DSCAM: variants seen among roughly 807,000 people sequenced by gnomAD.
DSCAM encodes DS cell adhesion molecule, also known as cell adhesion molecule DSCAM.
A neutral mutation model predicts 217.7 loss-of-function variants in DSCAM; 47 were observed. The ratio of observed to expected loss-of-function variants is 0.22; its 90% CI spans 0.17 to 0.28. The LOEUF is 0.28. Ranked by LOEUF, DSCAM falls within the 10% of genes least tolerant of loss-of-function variation. The pLI, the probability that DSCAM is intolerant of heterozygous loss-of-function variation, is 1.00. For synonymous variants in DSCAM, 1,056 were observed against 1,015.3 expected (o/e 1.04, Z -0.76); for missense variants, 2,080 against 2,618.3 (o/e 0.79, Z 4.49).
intron 1 of DSCAM, among the ~76,000 whole-genome samples, chr21:40,761,129 A>T (rs2091329808): frequency 6.6e-6 from 1 of 152,216 alleles, no homozygotes; most frequent in African/African-American, 2.4e-5. Flanking sequence ...AGTTAAACCC[A>T]AGGCTGCATC....
chr21:40,542,259 C>T (rs2146134641), intron 3 of DSCAM, among the ~76,000 whole-genome samples: 1 of 152,264 alleles, frequency 6.6e-6, no homozygotes, highest in East Asian at 1.9e-4. Context: ...ATGACCTATT[C>T]AACATGAATT....
At chr21:40,795,887 C>A (rs1269572332) in intron 1 of DSCAM, among the ~76,000 whole-genome samples, 1 of 152,070 alleles carries the variant, frequency 6.6e-6, no homozygotes, top group Non-Finnish European at 1.5e-5. Flanking sequence ...TCATGAAAGG[C>A]AGGGAGAGGG....
At chr21:40,741,539 G>GC (rs35227561) in intron 1 of DSCAM, among the ~76,000 whole-genome samples, 44,863 of 150,772 alleles carry the variant, frequency 0.3, 7,768 homozygotes, top group East Asian at 0.42. Flanking sequence ...CAATATCTCA[G>GC]CCCCCAAACT....
chr21:40,191,416 C>T (rs540457363), intron 11 of DSCAM, among the ~76,000 whole-genome samples: 1 of 152,328 alleles, frequency 6.6e-6, no homozygotes, highest in African/African-American at 2.4e-5. Flanking sequence ...AATTCCTTTT[C>T]TGGCATTTCT....
At chr21:40,545,589 A>T (rs2076575720) in intron 3 of DSCAM, among the ~76,000 whole-genome samples, 1 of 152,182 alleles carries the variant, frequency 6.6e-6, no homozygotes, top group Non-Finnish European at 1.5e-5. Flanking sequence ...CCTGCCACTG[A>T]CTTTCTGGGA....
At chr21:40,809,590 A>G (rs2091819766) in intron 1 of DSCAM, among the ~76,000 whole-genome samples, 1 of 152,168 alleles carries the variant, frequency 6.6e-6, no homozygotes, top group Non-Finnish European at 1.5e-5. Context: ...AGCCTTGTAA[A>G]CTGTCAGCCT....
intron 1 of DSCAM, among the ~76,000 whole-genome samples, chr21:40,784,071 TATAA>T (rs2091570867): frequency 6.7e-6 from 1 of 149,326 alleles, no homozygotes; most frequent in African/African-American, 2.4e-5. Context: ...TACAAAAATA[TATAA>T]ATATTTTTAT....
intron 3 of DSCAM, among the ~76,000 whole-genome samples, chr21:40,500,223 T>A (rs1297995089): frequency 6.6e-6 from 1 of 152,232 alleles, no homozygotes; most frequent in Non-Finnish European, 1.5e-5. Flanking sequence ...TGAAATAGTT[T>A]CTAAATATTT....
intron 11 of DSCAM, among the ~76,000 whole-genome samples, chr21:40,192,637 A>T (rs58985257): frequency 0.13 from 19,395 of 152,148 alleles, 3,448 homozygotes; most frequent in African/African-American, 0.4. Flanking sequence ...TTACCTTTTT[A>T]GATCATTTTT....
At chr21:40,368,569 T>G (rs1245146469) in intron 4 of DSCAM, among the ~76,000 whole-genome samples, 1 of 152,190 alleles carries the variant, frequency 6.6e-6, no homozygotes, top group East Asian at 1.9e-4. Context: ...GCAGTGATGT[T>G]TTAAATTATT....
intron 32 of DSCAM, among the ~76,000 whole-genome samples, chr21:40,038,256 G>A (rs1194773352): frequency 7.5e-5 from 7 of 93,928 alleles, no homozygotes; most frequent in Middle Eastern, 5.8e-3. Flanking sequence ...GAAAATTTTC[G>A]CAACCTACTC....
intron 1 of DSCAM, among the ~76,000 whole-genome samples, chr21:40,817,383 A>G (rs2091888998): frequency 6.6e-6 from 1 of 152,236 alleles, no homozygotes; most frequent in African/African-American, 2.4e-5. Context: ...CCCTTGACTG[A>G]CAATTATCTC....
intron 20 of DSCAM, among the ~76,000 whole-genome samples, chr21:40,116,448 A>G (rs2089971110): frequency 6.6e-6 from 1 of 152,152 alleles, no homozygotes; most frequent in Non-Finnish European, 1.5e-5. Context: ...TGGGATATTT[A>G]GATGTAGCCT....
At chr21:40,658,280 T>G (rs2090097744) in intron 3 of DSCAM, among the ~76,000 whole-genome samples, 1 of 152,254 alleles carries the variant, frequency 6.6e-6, no homozygotes, top group African/African-American at 2.4e-5. Flanking sequence ...ACTTCCTGCC[T>G]GGTTTACAAA....
intron 11 of DSCAM, among the ~76,000 whole-genome samples, chr21:40,263,609 TG>T (rs1428986042): frequency 6.6e-6 from 1 of 152,116 alleles, no homozygotes; most frequent in African/African-American, 2.4e-5. Flanking sequence ...ATTAAAAGTC[TG>T]AAAGATCAGA....
intron 1 of DSCAM, among the ~76,000 whole-genome samples, chr21:40,718,470 G>A (rs2090867087): frequency 1.3e-5 from 2 of 152,212 alleles, no homozygotes; most frequent in Non-Finnish European, 1.5e-5. Context: ...GCAAGGAGGA[G>A]CAAGTCACGT....
At chr21:40,744,923 T>G (rs1249325642) in intron 1 of DSCAM, among the ~76,000 whole-genome samples, 1 of 152,206 alleles carries the variant, frequency 6.6e-6, no homozygotes, top group Non-Finnish European at 1.5e-5. Context: ...AGTGAAATTT[T>G]GAAAGAATTT....
At chr21:40,211,300 G>C (rs2091181714) in intron 11 of DSCAM, among the ~76,000 whole-genome samples, 1 of 152,128 alleles carries the variant, frequency 6.6e-6, no homozygotes, top group Admixed American at 6.5e-5. Flanking sequence ...TGTTGTTGTT[G>C]CTGTTTGTCC....
At chr21:40,096,977 G>T (rs2146599294) in intron 20 of DSCAM, among the ~76,000 whole-genome samples, 1 of 152,066 alleles carries the variant, frequency 6.6e-6, no homozygotes, top group Admixed American at 6.5e-5. Flanking sequence ...ACTTTTTTCA[G>T]ATACATAAGA....
Sources: allele counts gnomAD v4.1 joint callset (sites outside exome capture counted in the v4.1 genomes callset), GRCh38; gene constraint gnomAD v4.1.1; transcripts MANE v1.5; gene names NCBI Gene and HGNC (gene_info 2026-07-23, HGNC 2026-07-21).